The following SIKE1 variants were observed in gnomAD, a reference collection of about 807,000 sequenced individuals.
SIKE1 encodes the protein suppressor of IKBKE 1, also known as suppressor of IKK epsilon.
A neutral mutation model predicts 25.8 loss-of-function variants in SIKE1; 13 were observed. The observed-to-expected ratio is 0.50, with a 90% confidence interval of 0.33 to 0.80. SIKE1 has a LOEUF of 0.80. Among genes scored for constraint, SIKE1 ranks in the 30% least tolerant of loss-of-function variants. The pLI, the probability that SIKE1 is intolerant of heterozygous loss-of-function variation, is 0.02. For synonymous variants in SIKE1, 86 were observed against 95.5 expected, an observed-to-expected ratio of 0.90 and a Z score of 0.58; for missense variants, 222 against 252.4, an observed-to-expected ratio of 0.88 and a Z score of 0.82.
Position 114,780,584 on chromosome 1 carries a change from G to A in SIKE1, c.24C>T (p.Ile8=). Reference sequence around the variant, plus strand: ...CCAGCAGCGTCTTGGCGTCTGTCAGGATCTTCTCGATGGTGCAGCTCATAG... The same window carrying A: ...CCAGCAGCGTCTTGGCGTCTGTCAGAATCTTCTCGATGGTGCAGCTCATAG... MSCTIEK[I]LTDAKTLLER... Residue 8 remains isoleucine, a synonymous_variant, in exon 1 of 5, where the codon ATC becomes ATT. Transcript: ENST00000060969. 3.1e-6 allele frequency: 5 copies of A among 1,611,154 alleles called. No homozygotes were observed. Among genetic ancestry groups the A allele is most frequent in the Non-Finnish European group, 3.4e-6 (4 of 1,179,924 alleles).
intron 4 of SIKE1, 70 bp downstream of exon 4, chr1:114,776,276 T>C (rs1301896520): frequency 1.1e-6 from 1 of 898,048 alleles, no homozygotes; most frequent in Non-Finnish European, 1.9e-6. Context: ...AGTGATGGGA[T>C]AGTGATGGCA....
chr1:114,779,409 TA>T, intron 2 of SIKE1, 125 bp from the exon 3 acceptor site: 1 of 1,001,858 alleles, frequency 1.0e-6, no homozygotes, highest in South Asian at 1.7e-5. Context: ...AATCAATGTT[TA>T]AGTCCGCAAA....
rs149222550 is a variant in SIKE1, at chr1:114,774,125, T to C, written c.*146A>G. 2.0e-5 allele frequency: 11 copies of C among 543,496 alleles called. No individual in the cohort carries two copies. Among genetic ancestry groups the C allele is most frequent in the Non-Finnish European group, 3.3e-5 (10 of 303,248 alleles). The allele number at this position is 543,496 out of a possible 1,614,324, so 33.7% of individuals were successfully genotyped here. On this transcript the variant is annotated 3_prime_UTR_variant, in exon 5 of 5. Transcript: ENST00000060969. ...ATCTGAGAACTGTGGACAGCCAATA[T>C]TGACTGGAATTCTAAATTGCCACCT...
At chr1:114,774,433 C>T (rs919551195) in intron 4 of SIKE1, 61 bp from the exon 5 acceptor site, 5 of 1,132,396 alleles carry the variant, frequency 4.4e-6, no homozygotes, top group African/African-American at 1.5e-5. Context: ...ATTACAACAA[C>T]ACATTATTTT....
chr1:114,777,271 C>T (rs895482420), intron 3 of SIKE1, among the ~76,000 whole-genome samples: 1 of 152,094 alleles, frequency 6.6e-6, no homozygotes, highest in African/African-American at 2.4e-5. Flanking sequence ...AAAAGGCCTC[C>T]TTAAGGGGAT....
rs925521336 is a variant in SIKE1 at position 114,771,702 on chromosome 1, C to T, written c.*2569G>A. ...GTCCCTCTTCTGTATCTTATACATA[C>T]TATAATGGATTTATCACACTGCATT... On this transcript the variant is annotated 3_prime_UTR_variant, in exon 5 of 5. Transcript: ENST00000060969. 1 of 152,182 alleles carries T rather than the reference C, an allele frequency of 6.6e-6. No individual in the cohort carries two copies. The highest frequency in any genetic ancestry group is 1.5e-5 in the Non-Finnish European group (1 of 68,032). 9.4% of individuals were successfully genotyped at this position (152,182 alleles called of 1,614,324 possible).
In SIKE1 at chr1:114,771,916, T is replaced by G. The variant is rs1479015780; in HGVS notation, c.*2355A>C. 2.0e-5 allele frequency: 3 copies of G among 152,192 alleles called. No individual in the cohort carries two copies. Among genetic ancestry groups the G allele is most frequent in the African/African-American group, 7.2e-5 (3 of 41,472 alleles). 9.4% of individuals were successfully genotyped at this position (152,192 alleles called of 1,614,324 possible). On this transcript the variant is annotated 3_prime_UTR_variant, in exon 5 of 5. Coordinates refer to ENST00000060969, the MANE Select transcript of SIKE1 (RefSeq NM_025073.3). The stretch of plus-strand genomic sequence containing the variant: ...TAGGAATTGTTTGAGATGATTAGAA[T>G]ACAAATTCTTGAACTTCATCACCAA...
rs1287233134 is a variant in SIKE1 at position 114,769,586 on chromosome 1, A to G, written c.*4685T>C. Reference sequence around the variant, plus strand: ...CAATGAAAATGACAGCTATAAAACAATAAAACTTGTGAATTCTAGAGACAT... The same window carrying G: ...CAATGAAAATGACAGCTATAAAACAGTAAAACTTGTGAATTCTAGAGACAT... On this transcript the variant is annotated 3_prime_UTR_variant, in exon 5 of 5. Transcript: ENST00000060969. The G allele has an allele frequency of 6.6e-6, 1 of 152,164 alleles. No individual in the cohort carries two copies. The highest frequency in any genetic ancestry group is 1.5e-5 in the Non-Finnish European group (1 of 68,018). 9.4% of individuals were successfully genotyped at this position (152,164 alleles called of 1,614,324 possible).
chr1:114,774,245 A>T lies in SIKE1; in HGVS notation c.*26T>A. On this transcript the variant is annotated 3_prime_UTR_variant, in exon 5 of 5. Transcript: ENST00000060969. ...CAGTAACTTCCTTCCTTGATAGACA[A>T]TCTCCAGCCATCATTCAGAGTTCAG... 6.5e-7 allele frequency: 1 copy of T among 1,545,364 alleles called. No individual in the cohort carries two copies. Among genetic ancestry groups the T allele is most frequent in the Non-Finnish European group, 8.9e-7 (1 of 1,120,364 alleles).
chr1:114,772,115 T>G lies in SIKE1; in HGVS notation c.*2156A>C, dbSNP rs1662086157. ...TAGAGTTATACACTGCTGAATATAC[T>G]GTGCTAATTACAAAGTATTTATGAC... is the stretch of plus-strand genomic sequence containing the variant. On this transcript the variant is annotated 3_prime_UTR_variant, in exon 5 of 5. Coordinates refer to ENST00000060969, the MANE Select transcript of SIKE1 (RefSeq NM_025073.3). The G allele has an allele frequency of 6.6e-6, 1 of 152,216 alleles. No individual in the cohort carries two copies. The highest frequency in any genetic ancestry group is 1.5e-5 in the Non-Finnish European group (1 of 68,022). 9.4% of individuals were successfully genotyped at this position (152,216 alleles called of 1,614,324 possible).
Position 114,774,263 on chromosome 1 carries a change from G to A in SIKE1, c.*8C>T, listed in dbSNP as rs1266147971. On this transcript the variant is annotated 3_prime_UTR_variant, in exon 5 of 5. Transcript: ENST00000060969. ...ATAGACAATCTCCAGCCATCATTCAGAGTTCAGTTATTTGATGGCTTGGGA... is the reference window on the plus strand; with the variant it reads ...ATAGACAATCTCCAGCCATCATTCAAAGTTCAGTTATTTGATGGCTTGGGA... The A allele has an allele frequency of 6.3e-7, 1 of 1,596,146 alleles. No homozygotes were observed.
In SIKE1 at chr1:114,774,203, G is replaced by T; in HGVS notation, c.*68C>A. On this transcript the variant is annotated 3_prime_UTR_variant, in exon 5 of 5. Transcript: ENST00000060969. ...TCTGAGGCAAGACACTTAATGGACA[G>T]TACTTGAATGGGAAGACAGTAACTT... The T allele has an allele frequency of 8.1e-7, 1 of 1,234,384 alleles. No individual in the cohort carries two copies. Among genetic ancestry groups the T allele is most frequent in the Non-Finnish European group, 1.2e-6 (1 of 844,334 alleles). The allele number at this position is 1,234,384 out of a possible 1,614,324, so 76.5% of individuals were successfully genotyped here.
At position 114,780,639 on chromosome 1, in the gene SIKE1, T is replaced by C. The variant is rs1004759596; in HGVS notation, c.-32A>G. 7.7e-6 allele frequency: 12 copies of C among 1,555,850 alleles called. No individual in the cohort carries two copies. Among genetic ancestry groups the C allele is most frequent in the Non-Finnish European group, 1.0e-5 (12 of 1,144,854 alleles). Reference sequence around the variant, plus strand: ...AGCACCACCCCAGCCCCTGCCGGGCTCAGCTACGCGACTCGCTCAGATCTT... The same window carrying C: ...AGCACCACCCCAGCCCCTGCCGGGCCCAGCTACGCGACTCGCTCAGATCTT... On this transcript the variant is annotated 5_prime_UTR_variant, in exon 1 of 5. Coordinates refer to ENST00000060969, the MANE Select transcript of SIKE1 (RefSeq NM_025073.3).
Position 114,772,825 on chromosome 1 carries a change from T to C in SIKE1, c.*1446A>G, listed in dbSNP as rs1393902164. ...GGATATCAAACAGAAATTTGAAAAA[T>C]TCTTAAATGACATATACCTATTCAT... On this transcript the variant is annotated 3_prime_UTR_variant, in exon 5 of 5. Transcript: ENST00000060969. 1 of 152,194 alleles carries C rather than the reference T, an allele frequency of 6.6e-6. No individual in the cohort carries two copies. The highest frequency in any genetic ancestry group is 2.4e-5 in the African/African-American group (1 of 41,452). 9.4% of individuals were successfully genotyped at this position (152,194 alleles called of 1,614,324 possible). A position where few individuals can be genotyped will look rare whatever the true frequency, so the allele number is the denominator to read the frequency against.
At chr1:114,780,076 A>T in intron 2 of SIKE1, 34 bp downstream of exon 2, 1 of 1,486,654 alleles carries the variant, frequency 6.7e-7, no homozygotes, top group Non-Finnish European at 9.3e-7. Context: ...CAATAACTTT[A>T]AACTATTACC....
chr1:114,776,448 A>C lies in SIKE1; in HGVS notation c.420T>G (p.Ser140Arg). ...CCATTTCACAGATTCTGTCAATCTG[A>C]CTCTCAATTTCCTGTGAAGATATTA... ...AHQSHSAEIE[S>R]QIDRICEMGE... Residue 140 changes from serine to arginine, a missense_variant, in exon 4 of 5, where the codon AGT (serine) becomes AGG (arginine). Transcript: ENST00000060969. 2 of 1,608,476 alleles carry C rather than the reference A, an allele frequency of 1.2e-6. No homozygotes were observed. Among genetic ancestry groups the C allele is most frequent in the African/African-American group, 1.3e-5 (1 of 74,898 alleles).
intron 1 of SIKE1, 113 bp downstream of exon 1, chr1:114,780,335 AC>A (rs1423477817): frequency 2.3e-5 from 37 of 1,596,548 alleles, no homozygotes; most frequent in Admixed American, 5.0e-5. Flanking sequence ...AAATGGTCTC[AC>A]CGCCGCCCTC....
Position 114,769,811 on chromosome 1 carries a change from CA to C in SIKE1, c.*4459del, listed in dbSNP as rs1662018141. ...GAGAAGAGCTCAAATAGATAAAATA[CA>C]AGCACTCATAATGTTATTCTTAAGT... On this transcript the variant is annotated 3_prime_UTR_variant, in exon 5 of 5. Coordinates refer to ENST00000060969, the MANE Select transcript of SIKE1 (RefSeq NM_025073.3). The C allele has an allele frequency of 6.6e-6, 1 of 152,090 alleles. No individual in the cohort carries two copies. The highest frequency in any genetic ancestry group is 1.5e-5 in the Non-Finnish European group (1 of 68,008). The allele number at this position is 152,090 out of a possible 1,614,324, so 9.4% of individuals were successfully genotyped here.
At chr1:114,780,346 C>CT in intron 1 of SIKE1, 103 bp downstream of exon 1, 1 of 1,601,456 alleles carries the variant, frequency 6.2e-7, no homozygotes, top group East Asian at 2.3e-5. Flanking sequence ...CCGCCGCCCT[C>CT]TGAGACCGGG....
Sources: gnomAD v4.1 joint callset for allele counts (sites outside exome capture counted in the v4.1 genomes callset) on GRCh38, gnomAD v4.1.1 for gene constraint, MANE v1.5 for transcripts, NCBI Gene and HGNC (gene_info 2026-07-23, HGNC 2026-07-21) for gene names.